Variants in CDK5RAP2 observed in about 807,000 individuals in gnomAD.
The protein encoded by CDK5RAP2 is CDK5 regulatory subunit associated protein 2, also known as CDK5 regulatory subunit-associated protein 2.
In CDK5RAP2, 147 loss-of-function variants were observed where a neutral mutation model predicts 232.9. That is an observed-to-expected ratio of 0.63 (90% confidence interval 0.55 to 0.72). The LOEUF (loss-of-function observed/expected upper bound fraction) is 0.72, where lower values mean the gene tolerates loss of function less well. CDK5RAP2 is among the 30% of genes least tolerant of loss of function. The probability of loss-of-function intolerance (pLI) is 0.00; values close to 1 mark genes in which losing one functional copy is unlikely to be tolerated. For missense variants in CDK5RAP2, 2,195 were observed against 2,231.5 expected (o/e 0.98, Z 0.33); for synonymous variants, 833 against 833.7 (o/e 1.00, Z 0.01).
chr9:120,428,349 T>C (rs568453848), intron 25 of CDK5RAP2, among the ~76,000 whole-genome samples: 211 of 152,140 alleles, frequency 1.4e-3, no homozygotes, highest in African/African-American at 4.9e-3. Flanking sequence ...ACAAAATTGA[T>C]AGACCGCTAG....
intron 4 of CDK5RAP2, among the ~76,000 whole-genome samples, chr9:120,546,826 T>A (rs2041860080): frequency 6.6e-6 from 1 of 152,096 alleles, no homozygotes; most frequent in African/African-American, 2.4e-5. Flanking sequence ...TTTTACAGAT[T>A]GGGTCTTGCT....
intron 10 of CDK5RAP2, 42 bp downstream of exon 10, chr9:120,527,764 A>G (rs2040968652): frequency 6.2e-7 from 1 of 1,608,096 alleles, no homozygotes; most frequent in Non-Finnish European, 8.5e-7. Flanking sequence ...CAGTCATAGA[A>G]GCTAATAAAG....
chr9:120,554,910 G>C (rs1017335394), intron 3 of CDK5RAP2, among the ~76,000 whole-genome samples: 2 of 152,106 alleles, frequency 1.3e-5, no homozygotes, highest in Admixed American at 6.5e-5. Flanking sequence ...TGGGATTACA[G>C]GCATGAGTCA....
chr9:120,494,478 G>C (rs2039059825), intron 12 of CDK5RAP2, among the ~76,000 whole-genome samples: 1 of 152,160 alleles, frequency 6.6e-6, no homozygotes, highest in Admixed American at 6.5e-5. Flanking sequence ...AAAAGGCACA[G>C]GAATCAATTT....
intron 18 of CDK5RAP2, among the ~76,000 whole-genome samples, chr9:120,461,492 C>T (rs567180650): frequency 7.0e-4 from 106 of 152,292 alleles, no homozygotes; most frequent in Non-Finnish European, 1.2e-3. Context: ...CAGCCACTCC[C>T]GGATAAGGAA....
At chr9:120,533,574 A>G (rs572186591) in intron 7 of CDK5RAP2, among the ~76,000 whole-genome samples, 12 of 151,736 alleles carry the variant, frequency 7.9e-5, no homozygotes, top group Non-Finnish European at 1.6e-4. Context: ...CCGGCAAATC[A>G]CCTGAGGTCA....
At position 120,439,954 on chromosome 9, in the gene CDK5RAP2, G is replaced by T. The variant is rs924937831; in HGVS notation, c.3167C>A (p.Pro1056His). Residue 1056 changes from proline to histidine, a missense_variant, in exon 24 of 38, where the codon CCT becomes CAT. Coordinates refer to ENST00000349780, the MANE Select transcript of CDK5RAP2 (RefSeq NM_018249.6). ...SYEIDSEICPPDDLASLPSCK... is the reference protein window; with the variant it reads ...SYEIDSEICPHDDLASLPSCK... ...TGATGGCAAGCTGGCAAGGTCATCAGGTGGGCAAATCTCAGAGTCTGAAAA... is the reference window on the plus strand; with the variant it reads ...TGATGGCAAGCTGGCAAGGTCATCATGTGGGCAAATCTCAGAGTCTGAAAA... 2 of 1,613,746 alleles carry T rather than the reference G, an allele frequency of 1.2e-6. No homozygotes were observed. Among genetic ancestry groups the T allele is most frequent in the Non-Finnish European group, 1.7e-6 (2 of 1,179,980 alleles).
At chr9:120,570,375 C>T (rs2042809570) in intron 2 of CDK5RAP2, among the ~76,000 whole-genome samples, 1 of 152,188 alleles carries the variant, frequency 6.6e-6, no homozygotes. Context: ...GGAAATCTCC[C>T]TTTAATCCCC....
intron 3 of CDK5RAP2, among the ~76,000 whole-genome samples, chr9:120,567,166 C>T (rs1333097197): frequency 6.6e-6 from 1 of 152,180 alleles, no homozygotes; most frequent in Non-Finnish European, 1.5e-5. Context: ...ATAATCAAAT[C>T]TCATTCGTTT....
At chr9:120,537,138 C>T (rs959825026) in intron 6 of CDK5RAP2, among the ~76,000 whole-genome samples, 1 of 152,108 alleles carries the variant, frequency 6.6e-6, no homozygotes, top group East Asian at 1.9e-4. Flanking sequence ...CTACTCACAC[C>T]AACTGCCTCC....
chr9:120,406,627 TC>T (rs2033462614), intron 32 of CDK5RAP2: 1 of 225,216 alleles, frequency 4.4e-6, no homozygotes, highest in South Asian at 9.0e-5. Flanking sequence ...GATTTTCAGA[TC>T]CTGAAAGACA....
intron 21 of CDK5RAP2, among the ~76,000 whole-genome samples, chr9:120,452,754 C>T (rs2036545229): frequency 1.3e-5 from 2 of 151,522 alleles, no homozygotes. Flanking sequence ...ACTCAACAAA[C>T]CCGGGTTGGA....
chr9:120,555,768 A>G (rs1370940262), intron 3 of CDK5RAP2, among the ~76,000 whole-genome samples: 1 of 152,242 alleles, frequency 6.6e-6, no homozygotes, highest in African/African-American at 2.4e-5. Context: ...TGTTTACTGC[A>G]GCTTTATTAA....
chr9:120,516,187 TA>T (rs34553652), intron 12 of CDK5RAP2, among the ~76,000 whole-genome samples: 1 of 151,820 alleles, frequency 6.6e-6, no homozygotes, highest in African/African-American at 2.4e-5. Flanking sequence ...TATGCAGCCA[TA>T]AAAAAGGATG....
intron 14 of CDK5RAP2, among the ~76,000 whole-genome samples, chr9:120,484,886 AAT>A (rs1167181496): frequency 1.3e-5 from 2 of 149,618 alleles, no homozygotes; most frequent in African/African-American, 5.1e-5. Context: ...ACCTAATTTT[AAT>A]ATTTTTTTTT....
chr9:120,547,329 C>T (rs894435752), intron 4 of CDK5RAP2, among the ~76,000 whole-genome samples: 4 of 151,934 alleles, frequency 2.6e-5, no homozygotes, highest in South Asian at 2.1e-4. Flanking sequence ...CCAGGCCGGG[C>T]GCAGTGGTTC....
chr9:120,437,484 G>A lies in CDK5RAP2; in HGVS notation c.3766C>T (p.Gln1256Ter), dbSNP rs1554742991. Residue 1256 changes from glutamine (Q) to a stop codon, truncating the protein, a stop_gained, in exon 25 of 38, where the codon CAA becomes TAA. Transcript: ENST00000349780. LOFTEE classifies it high-confidence loss of function. ...TGGCCATCCTTAATCTGCTGCCGTT[G>A]AAGGGAGAGCTCCCTGGCTTGGGAC... ...VQSQARELSL[Q>*]RQQIKDGHGI... 6.2e-7 allele frequency: 1 copy of A among 1,614,160 alleles called. No homozygotes were observed. Among genetic ancestry groups the A allele is most frequent in the South Asian group, 1.1e-5 (1 of 91,084 alleles).
At chr9:120,408,630 C>T (rs1339454505) in intron 30 of CDK5RAP2, among the ~76,000 whole-genome samples, 162 bp from the exon 31 acceptor site, 1 of 152,188 alleles carries the variant, frequency 6.6e-6, no homozygotes, top group Non-Finnish European at 1.5e-5. Context: ...ATCCTAATTC[C>T]ACTCCTCTGC....
chr9:120,579,305 C>G (rs1348386618), intron 1 of CDK5RAP2, among the ~76,000 whole-genome samples: 2 of 152,256 alleles, frequency 1.3e-5, no homozygotes, highest in Non-Finnish European at 2.9e-5. Context: ...GGCATCACCT[C>G]TTTTAATCCT....
Sources: gnomAD v4.1 joint callset for allele counts (sites outside exome capture counted in the v4.1 genomes callset) on GRCh38, gnomAD v4.1.1 for gene constraint, MANE v1.5 for transcripts, NCBI Gene and HGNC (gene_info 2026-07-23, HGNC 2026-07-21) for gene names.